Variants in DDX39B observed in about 807,000 individuals in gnomAD.
DDX39B encodes DExD-box helicase 39B, also known as spliceosome RNA helicase DDX39B.
DDX39B carries 6 observed loss-of-function variants against 46.4 expected under a neutral mutation model. The ratio of observed to expected loss-of-function variants is 0.13; its 90% CI spans 0.07 to 0.26. The LOEUF is 0.26. DDX39B is among the 10% of genes least tolerant of loss of function. The pLI is 1.00. For synonymous variants in DDX39B, 174 were observed against 199.4 expected (o/e 0.87, Z 1.07); for missense variants, 185 against 553.4 (o/e 0.33, Z 6.68).
rs1562404098 is a variant in DDX39B at position 31,531,517 on chromosome 6, CTCT to C, written c.868-115_868-113del. On this transcript the variant is annotated intron_variant, in intron 7 of 10. Coordinates refer to ENST00000396172, the MANE Select transcript of DDX39B (RefSeq NM_004640.7). The surrounding 1 kb of genome is among the most constrained non-coding windows in gnomAD (Gnocchi z 5.8). Reference sequence around the variant, plus strand: ...CTAGTAATTACGTTCTCAGGAATTCCTCTTCATTTCTCTTATTCCCCCACTATA... The same window carrying C: ...CTAGTAATTACGTTCTCAGGAATTCCTCATTTCTCTTATTCCCCCACTATA... The C allele has an allele frequency of 5.1e-6, 4 of 787,738 alleles. No individual in the cohort carries two copies. Among genetic ancestry groups the C allele is most frequent in the East Asian group, 5.3e-5 (2 of 37,986 alleles). 48.8% of individuals were successfully genotyped at this position (787,738 alleles called of 1,614,324 possible).
chr6:31,541,790 C>T (rs1022882101), intron 1 of DDX39B, 160 bp downstream of exon 1: 27 of 663,584 alleles, frequency 4.1e-5, no homozygotes, highest in Non-Finnish European at 3.4e-5. Context: ...CCCCCAGGAG[C>T]TCTTTGCTCT....
chr6:31,531,012 G>C lies in DDX39B; in HGVS notation c.1122+41C>G, dbSNP rs531979596. 26 of 1,613,570 alleles carry C rather than the reference G, an allele frequency of 1.6e-5. No homozygotes were observed. The South Asian group carries it at 2.5e-4, about 16-fold the overall frequency. On this transcript the variant is annotated intron_variant, in intron 9 of 10. Coordinates refer to ENST00000396172, the MANE Select transcript of DDX39B (RefSeq NM_004640.7). This position sits in a 1 kb window ranked among gnomAD's most constrained non-coding sequence, Gnocchi z 5.8. ...ATGAAGATGTACAAACAGAAAACAA[G>C]GGAATGGGAGAGTGGGATTTTTTCA...
rs1056054179 is a variant in DDX39B at position 31,530,234 on chromosome 6, A to T, written c.*200T>A. 2.6e-6 allele frequency: 2 copies of T among 774,166 alleles called. No individual in the cohort carries two copies. Among genetic ancestry groups the T allele is most frequent in the African/African-American group, 3.5e-5 (2 of 56,486 alleles). 48.0% of individuals were successfully genotyped at this position (774,166 alleles called of 1,614,324 possible). ...GACGAAGCACTTATAGATACCACAGACACATGTGTTTCATTTTTAGTTTTG... is the reference window on the plus strand; with the variant it reads ...GACGAAGCACTTATAGATACCACAGTCACATGTGTTTCATTTTTAGTTTTG... On this transcript the variant is annotated 3_prime_UTR_variant, in exon 11 of 11. Transcript: ENST00000396172. The surrounding 1 kb of genome is among the most constrained non-coding windows in gnomAD (Gnocchi z 4.5).
chr6:31,537,730 T>C lies in DDX39B; in HGVS notation c.432+1033A>G, dbSNP rs143887228. Among the ~76,000 whole-genome samples the C allele has an allele frequency of 6.1e-3, 921 of 152,166 alleles. 7 individuals are homozygous for C. In the Middle Eastern group the frequency reaches 0.065, roughly 11 times the overall value. On this transcript the variant is annotated intron_variant, in intron 4 of 10. Transcript: ENST00000396172. ...TCAGACTGTCACGACGCTAATCCTA[T>C]GGTAAATCTAAAATCATTAATGAGG...
intron 4 of DDX39B, 27 bp downstream of exon 4, chr6:31,538,736 C>CT: frequency 1.3e-6 from 2 of 1,596,912 alleles, no homozygotes; most frequent in Non-Finnish European, 1.7e-6. Flanking sequence ...CACACCCTCA[C>CT]TCTCAGGTCT....
At chr6:31,540,233 C>T (rs1768253961) in intron 2 of DDX39B, 89 bp downstream of exon 2, 2 of 1,426,028 alleles carry the variant, frequency 1.4e-6, no homozygotes, top group South Asian at 2.4e-5. Context: ...AGTATAAACC[C>T]TTACCACCAC....
chr6:31,534,523 CA>C lies in DDX39B; in HGVS notation c.735+843del. 6.4e-6 allele frequency: 3 copies of C among 469,308 alleles called. No individual in the cohort carries two copies. The highest frequency in any genetic ancestry group is 3.1e-5 in the South Asian group (2 of 64,260). 29.1% of individuals were successfully genotyped at this position (469,308 alleles called of 1,614,324 possible). ...CCTCTCCTCTGAGTATTAAAAAAAA[CA>C]AAAAAATTTTTTTAAGAAAAAAAAT... On this transcript the variant is annotated intron_variant, in intron 6 of 10. Transcript: ENST00000396172. This position sits in a 1 kb window ranked among gnomAD's most constrained non-coding sequence, Gnocchi z 5.1.
chr6:31,534,469 G>A lies in DDX39B; in HGVS notation c.735+898C>T, dbSNP rs558078179. 2.3e-5 allele frequency: 11 copies of A among 470,684 alleles called. No homozygotes were observed. The highest frequency in any genetic ancestry group is 7.1e-5 in the Admixed American group (3 of 42,514). The allele number at this position is 470,684 out of a possible 1,614,324, so 29.2% of individuals were successfully genotyped here. Reference sequence around the variant, plus strand: ...TAGCCCCAAACCCTAACAACCACCCGATTACATCCACTTTACCTTTCCTAT... The same window carrying A: ...TAGCCCCAAACCCTAACAACCACCCAATTACATCCACTTTACCTTTCCTAT... On this transcript the variant is annotated intron_variant, in intron 6 of 10. Coordinates refer to ENST00000396172, the MANE Select transcript of DDX39B (RefSeq NM_004640.7). The surrounding 1 kb of genome is among the most constrained non-coding windows in gnomAD (Gnocchi z 5.1).
chr6:31,536,283 T>G lies in DDX39B; in HGVS notation c.616+217A>C, dbSNP rs1767773591. ...CTAAAATTATCAAAGTCCCCTATTC[T>G]CAAAGGTTAAAAACAAAAATCATAG... On this transcript the variant is annotated intron_variant, in intron 5 of 10. Coordinates refer to ENST00000396172, the MANE Select transcript of DDX39B (RefSeq NM_004640.7). The G allele has an allele frequency of 3.6e-5, 26 of 724,374 alleles. No homozygotes were observed. The South Asian group carries it at 3.9e-4, about 11-fold the overall frequency. The allele number at this position is 724,374 out of a possible 1,614,324, so 44.9% of individuals were successfully genotyped here.
chr6:31,540,791 A>T, intron 1 of DDX39B, 127 bp from the exon 2 acceptor site: 1 of 559,524 alleles, frequency 1.8e-6, no homozygotes, highest in Non-Finnish European at 3.2e-6. Flanking sequence ...CAGATACAAA[A>T]CATAAAAACG....
At position 31,541,943 on chromosome 6, in the gene DDX39B, A is replaced by G; in HGVS notation, c.-133+7T>C. On this transcript the variant is annotated splice_region_variant and intron_variant, in intron 1 of 10. Transcript: ENST00000396172. ...GGAAACGGATTGTAGCGAAGGCCAAAGCTTACCTAAACAGGGAGAGCGCGT... is the reference window on the plus strand; with the variant it reads ...GGAAACGGATTGTAGCGAAGGCCAAGGCTTACCTAAACAGGGAGAGCGCGT... The G allele has an allele frequency of 1.5e-6, 1 of 658,564 alleles. No homozygotes were observed. Among genetic ancestry groups the G allele is most frequent in the Non-Finnish European group, 2.8e-6 (1 of 356,896 alleles). 40.8% of individuals were successfully genotyped at this position (658,564 alleles called of 1,614,324 possible).
rs1768149542 is a variant in DDX39B at position 31,539,399 on chromosome 6, C to A, written c.212-125G>T. ...AAGTCTAGTATTTACCTGGTTCTTG[C>A]CAACTTCCAGACCCATTTTACCTCT... is the stretch of plus-strand genomic sequence containing the variant. On this transcript the variant is annotated intron_variant, in intron 2 of 10. Transcript: ENST00000396172. The A allele has an allele frequency of 3.6e-6, 5 of 1,395,556 alleles. No homozygotes were observed. The South Asian group carries it at 4.1e-5, about 11-fold the overall frequency. The allele number at this position is 1,395,556 out of a possible 1,614,324, so 86.4% of individuals were successfully genotyped here. A position where few individuals can be genotyped will look rare whatever the true frequency, so the allele number is the denominator to read the frequency against.
intron 6 of DDX39B, 103 bp from the exon 7 acceptor site, chr6:31,533,014 TG>T: frequency 1.8e-6 from 1 of 547,636 alleles, no homozygotes; most frequent in Non-Finnish European, 3.4e-6. Context: ...CATGGGGGGA[TG>T]GGGAGGAAAG....
intron 4 of DDX39B, 53 bp from the exon 5 acceptor site, chr6:31,536,736 C>A: frequency 5.7e-6 from 9 of 1,590,542 alleles, no homozygotes; most frequent in Admixed American, 1.8e-5. Context: ...AGAGTCCAAT[C>A]CCCCCAGGGT....
In DDX39B at chr6:31,530,952, G is replaced by A. The variant is rs1767089578; in HGVS notation, c.1123-26C>T. ...CTGGAGGGAGACAGAGGGTAGCACT[G>A]GAAGACCGAAGAGGAAAGAGACCCA... On this transcript the variant is annotated intron_variant, in intron 9 of 10. Transcript: ENST00000396172. This position sits in a 1 kb window ranked among gnomAD's most constrained non-coding sequence, Gnocchi z 4.5. 6.2e-7 allele frequency: 1 copy of A among 1,613,934 alleles called. No homozygotes were observed. Among genetic ancestry groups the A allele is most frequent in the Non-Finnish European group, 8.5e-7 (1 of 1,179,874 alleles).
Position 31,534,435 on chromosome 6 carries a change from G to T in DDX39B, c.735+932C>A. On this transcript the variant is annotated intron_variant, in intron 6 of 10. Coordinates refer to ENST00000396172, the MANE Select transcript of DDX39B (RefSeq NM_004640.7). This position sits in a 1 kb window ranked among gnomAD's most constrained non-coding sequence, Gnocchi z 5.1. ...AACACACTCCACTGCTTATGCAATT[G>T]GCCCCACCTAGCCCCAAACCCTAAC... The T allele has an allele frequency of 2.1e-6, 1 of 468,806 alleles. No homozygotes were observed. Among genetic ancestry groups the T allele is most frequent in the Non-Finnish European group, 4.4e-6 (1 of 226,286 alleles). The allele number at this position is 468,806 out of a possible 1,614,324, so 29.0% of individuals were successfully genotyped here.
At chr6:31,540,977 T>C (rs1341832036) in intron 1 of DDX39B, 2 of 422,988 alleles carry the variant, frequency 4.7e-6, no homozygotes, top group Non-Finnish European at 9.3e-6. Context: ...TAATAAAAGG[T>C]AAAATACGAC....
At position 31,536,536 on chromosome 6, in the gene DDX39B, T is replaced by TA; in HGVS notation, c.579dup (p.Ile194TyrfsTer4). On this transcript the variant is annotated frameshift_variant, in exon 5 of 11. Transcript: ENST00000396172. LOFTEE classifies it high-confidence loss of function. ...AGCATCTTATCACATTCATCCAAAA[T>TA]AAAGTGTTTAATGTGTTTGAGGTTG... 2 of 1,613,222 alleles carry TA rather than the reference T, an allele frequency of 1.2e-6. No individual in the cohort carries two copies. The highest frequency in any genetic ancestry group is 1.7e-6 in the Non-Finnish European group (2 of 1,180,028).
At position 31,531,589 on chromosome 6, in the gene DDX39B, T is replaced by C; in HGVS notation, c.868-184A>G. 1.6e-6 allele frequency: 1 copy of C among 612,846 alleles called. No homozygotes were observed. The allele number at this position is 612,846 out of a possible 1,614,324, so 38.0% of individuals were successfully genotyped here. On this transcript the variant is annotated intron_variant, in intron 7 of 10. Coordinates refer to ENST00000396172, the MANE Select transcript of DDX39B (RefSeq NM_004640.7). This position sits in a 1 kb window ranked among gnomAD's most constrained non-coding sequence, Gnocchi z 5.8. ...AAATATAACTTTACTTCAGCACTGA[T>C]TTTTCCCTAAGGAAGCTGGCCTCTG...
Sources: gnomAD v4.1 joint callset for allele counts (sites outside exome capture counted in the v4.1 genomes callset) on GRCh38, gnomAD v4.1.1 for gene constraint, Gnocchi (gnomAD v3.1) non-coding constraint, MANE v1.5 for transcripts, NCBI Gene and HGNC (gene_info 2026-07-23, HGNC 2026-07-21) for gene names.